Variants in B3GALT5 observed in about 807,000 individuals in gnomAD.
B3GALT5 encodes the protein beta-1,3-galactosyltransferase 5, also known as UDP-Gal:betaGlcNAc beta 1,3-galactosyltransferase, polypeptide 5.
For missense variants in B3GALT5, 328 were observed against 396.6 expected (o/e 0.83, Z 1.47); for synonymous variants, 156 against 158.6 (o/e 0.98, Z 0.12).
intron 2 of B3GALT5, among the ~76,000 whole-genome samples, chr21:39,646,887 A>G (rs2079345470): frequency 6.6e-6 from 1 of 151,908 alleles, no homozygotes; most frequent in Non-Finnish European, 1.5e-5. Context: ...GATCCCTTGA[A>G]CTCAGAAGTT....
At position 39,661,193 on chromosome 21, in the gene B3GALT5, C is replaced by T; in HGVS notation, c.634C>T (p.Pro212Ser). The T allele has an allele frequency of 1.9e-6, 3 of 1,614,168 alleles. No individual in the cohort carries two copies. Among genetic ancestry groups the T allele is most frequent in the Non-Finnish European group, 2.5e-6 (3 of 1,180,032 alleles). ...KSEYPWDRYP[P>S]FCSGTGYVFS... is the part of the protein sequence containing the mutation. ...TGAATATCCGTGGGACAGGTACCCA[C>T]CATTCTGCTCCGGCACCGGCTACGT... is the stretch of plus-strand genomic sequence containing the variant. The change falls in exon 4 of 4, where the codon CCA becomes TCA. Residue 212 changes from proline to serine, a missense_variant. By Grantham distance (74) the Pro-to-Ser change is moderately conservative (BLOSUM62 -1). Coordinates refer to ENST00000684187, the MANE Select transcript of B3GALT5 (RefSeq NM_001356336.2). This position sits in a 1 kb window ranked among gnomAD's most constrained non-coding sequence, Gnocchi z 4.7.
At chr21:39,632,996 T>C (rs1396255492) in intron 1 of B3GALT5, among the ~76,000 whole-genome samples, 6 of 152,220 alleles carry the variant, frequency 3.9e-5, no homozygotes, top group African/African-American at 9.6e-5. Flanking sequence ...GGGGCTGTAG[T>C]CAGGCAGTTG....
intron 1 of B3GALT5, among the ~76,000 whole-genome samples, chr21:39,639,347 T>TTCCTTCC (rs2079260005): frequency 1.1e-3 from 74 of 66,762 alleles, no homozygotes; most frequent in African/African-American, 1.8e-3. Context: ...TCTTTCTTTC[T>TTCCTTCC]TTCCTTCCTT....
chr21:39,647,725 T>A (rs10483057), intron 2 of B3GALT5, among the ~76,000 whole-genome samples: 18,698 of 152,182 alleles, frequency 0.12, 1,267 homozygotes, highest in Non-Finnish European at 0.16. Flanking sequence ...ACTGTCAAAT[T>A]CTTCATGGAG....
At chr21:39,629,762 T>C (rs1166855534) in intron 1 of B3GALT5, among the ~76,000 whole-genome samples, 1 of 152,204 alleles carries the variant, frequency 6.6e-6, no homozygotes, top group African/African-American at 2.4e-5. Flanking sequence ...CTTTAAGTGG[T>C]TGGAATTTTA....
In B3GALT5 at chr21:39,637,602, C is replaced by T. The variant is rs572635952; in HGVS notation, c.-391-8790C>T. Among the ~76,000 whole-genome samples, 109 of 152,362 alleles carry T rather than the reference C, an allele frequency of 7.2e-4. 1 individual carries two copies. The highest frequency in any genetic ancestry group is 2.5e-3 in the African/African-American group (103 of 41,582). ...TTGATGGCTACCCCGCCCAGGGCTT[C>T]TTTCCTGGGAACACCTAGCAGGACT... On this transcript the variant is annotated intron_variant, in intron 1 of 3. Transcript: ENST00000684187.
chr21:39,658,348 C>T (rs914145574), intron 2 of B3GALT5, among the ~76,000 whole-genome samples: 1 of 152,128 alleles, frequency 6.6e-6, no homozygotes, highest in African/African-American at 2.4e-5. Context: ...AATTTAGAGC[C>T]CTGTGAAGGG....
At chr21:39,632,696 T>G (rs1347838592) in intron 1 of B3GALT5, among the ~76,000 whole-genome samples, 2 of 152,232 alleles carry the variant, frequency 1.3e-5, no homozygotes, top group East Asian at 3.9e-4. Context: ...CTCACCAGGC[T>G]GGAAGCCTGG....
chr21:39,660,788 C>A lies in B3GALT5; in HGVS notation c.229C>A (p.Arg77=). The A allele has an allele frequency of 1.3e-6, 2 of 1,572,688 alleles. No individual in the cohort carries two copies. The highest frequency in any genetic ancestry group is 1.7e-6 in the Non-Finnish European group (2 of 1,159,944). ...HKQLAERMAI[R]QTWGKERMVK... ...ACAGTTGGCTGAGCGCATGGCCATCCGGCAGACGTGGGGGAAAGAGAGGAT... is the reference window on the plus strand; with the variant it reads ...ACAGTTGGCTGAGCGCATGGCCATCAGGCAGACGTGGGGGAAAGAGAGGAT... Residue 77 remains arginine, a synonymous_variant, in exon 4 of 4, where the codon CGG becomes AGG. Coordinates refer to ENST00000684187, the MANE Select transcript of B3GALT5 (RefSeq NM_001356336.2).
At position 39,672,667 on chromosome 21, in the gene B3GALT5, G is replaced by T. The variant is rs977497836; in HGVS notation, c.*11175G>T. 6.6e-6 allele frequency: 1 copy of T among 152,164 alleles called. No homozygotes were observed. The highest frequency in any genetic ancestry group is 1.5e-5 in the Non-Finnish European group (1 of 68,024). 9.4% of individuals were successfully genotyped at this position (152,164 alleles called of 1,614,324 possible). ...CTTCCCGAAAAATTGGCAAGGTAATGGTCTGAATCGGACAATCCTTTTGTT... is the reference window on the plus strand; with the variant it reads ...CTTCCCGAAAAATTGGCAAGGTAATTGTCTGAATCGGACAATCCTTTTGTT... On this transcript the variant is annotated 3_prime_UTR_variant, in exon 4 of 4. Transcript: ENST00000684187.
intron 2 of B3GALT5, among the ~76,000 whole-genome samples, chr21:39,650,239 AG>A (rs1415240917): frequency 6.6e-6 from 1 of 152,178 alleles, no homozygotes; most frequent in Non-Finnish European, 1.5e-5. Context: ...CCTGTGGGTC[AG>A]GGCCCCCTCC....
At chr21:39,639,405 T>C (rs1242702872) in intron 1 of B3GALT5, among the ~76,000 whole-genome samples, 6,451 of 78,650 alleles carry the variant, frequency 0.082, 371 homozygotes, top group Non-Finnish European at 0.099. Context: ...TTTCTTTTTC[T>C]TTCTTTCTTT....
At position 39,624,851 on chromosome 21, in the gene B3GALT5, G is replaced by GT. The variant is rs55894121; in HGVS notation, c.-392+11796dup. 3.7e-3 allele frequency among the ~76,000 whole-genome samples: 547 copies of GT among 146,598 alleles called. 6 individuals carry two copies. Among genetic ancestry groups the GT allele is most frequent in the East Asian group, 0.033 (167 of 5,060 alleles). On this transcript the variant is annotated intron_variant, in intron 1 of 3. Transcript: ENST00000684187. The stretch of plus-strand genomic sequence containing the variant: ...TAAAATCACCTCGTCCAAGGCGATA[G>GT]TTTTTTTTTTTTCTTTCCATCCTCA...
At chr21:39,633,561 A>C (rs148592198) in intron 1 of B3GALT5, among the ~76,000 whole-genome samples, 1 of 152,196 alleles carries the variant, frequency 6.6e-6, no homozygotes, top group African/African-American at 2.4e-5. Flanking sequence ...GACTACAAAG[A>C]CATCTCCTAA....
chr21:39,659,656 G>A lies in B3GALT5; in HGVS notation c.-160-97G>A, dbSNP rs1472828278. ...CAAATGCGTGCTCAGAGTCACATAAGTAGGTTGGAAGGTGACGCTACAGAC... is the reference window on the plus strand; with the variant it reads ...CAAATGCGTGCTCAGAGTCACATAAATAGGTTGGAAGGTGACGCTACAGAC... On this transcript the variant is annotated intron_variant, in intron 2 of 3. Transcript: ENST00000684187. The A allele has an allele frequency of 1.6e-5, 11 of 667,086 alleles. No homozygotes were observed. The South Asian group carries it at 6.8e-4, about 41-fold the overall frequency. 41.3% of individuals were successfully genotyped at this position (667,086 alleles called of 1,614,324 possible).
chr21:39,643,065 T>A (rs78193069), intron 1 of B3GALT5, among the ~76,000 whole-genome samples: 20,148 of 129,378 alleles, frequency 0.16, 1,433 homozygotes, highest in Non-Finnish European at 0.18. Flanking sequence ...AAAAAAAAAA[T>A]TTTTGTAAAT....
rs2079405697 is a variant in B3GALT5, at chr21:39,652,498, T to C, written c.-161+5876T>C. 2.0e-5 allele frequency among the ~76,000 whole-genome samples: 3 copies of C among 152,246 alleles called. No homozygotes were observed. In the South Asian group the frequency reaches 6.2e-4, roughly 32 times the overall value. ...AACACGTAAGTGCCCTGGGCCGTGC[T>C]ACACCACCACTGTGTTTGAGCTGAG... On this transcript the variant is annotated intron_variant, in intron 2 of 3. Transcript: ENST00000684187.
At chr21:39,639,335 TTTCTTTCTTTCTTTCCTTCCTTCC>T (rs1203600426) in intron 1 of B3GALT5, among the ~76,000 whole-genome samples, 18 of 118,370 alleles carry the variant, frequency 1.5e-4, no homozygotes, top group East Asian at 5.2e-4. Flanking sequence ...TCTTTCTTTC[TTTCTTTCTTTCTTTCCTTCCTTCC>T]TTCCTTCCTT....
At chr21:39,639,201 C>T (rs2079253087) in intron 1 of B3GALT5, among the ~76,000 whole-genome samples, 1 of 152,166 alleles carries the variant, frequency 6.6e-6, no homozygotes, top group South Asian at 2.1e-4. Flanking sequence ...TTTTAGGTCA[C>T]CTGACTTTGC....
Sources: gnomAD v4.1 joint callset for allele counts (sites outside exome capture counted in the v4.1 genomes callset) on GRCh38, gnomAD v4.1.1 for gene constraint, Gnocchi (gnomAD v3.1) non-coding constraint, MANE v1.5 for transcripts, NCBI Gene and HGNC (gene_info 2026-07-23, HGNC 2026-07-21) for gene names.